Variants in TG observed in about 807,000 individuals in gnomAD.
TG encodes thyroglobulin.
A neutral mutation model predicts 324.7 loss-of-function variants in TG; 270 were observed. That is an observed-to-expected ratio of 0.83 (90% confidence interval 0.75 to 0.92). TG has a LOEUF of 0.92. Ranked by LOEUF, TG falls within the 40% of genes least tolerant of loss-of-function variation. TG has a pLI of 0.00. For synonymous variants in TG, 1,401 were observed against 1,327.0 expected (o/e 1.06, Z -1.21); for missense variants, 3,591 against 3,456.4 (o/e 1.04, Z -0.98).
intron 16 of TG, among the ~76,000 whole-genome samples, chr8:132,903,589 A>G (rs914408610): frequency 6.6e-6 from 1 of 152,210 alleles, no homozygotes. Flanking sequence ...GAACCAAGAA[A>G]CACCATTCAT....
intron 34 of TG, among the ~76,000 whole-genome samples, chr8:132,980,015 A>T (rs1263417934): frequency 2.6e-5 from 4 of 152,074 alleles, no homozygotes; most frequent in Non-Finnish European, 4.4e-5. Flanking sequence ...ACACTTACTA[A>T]TTAAGTTTTA....
At position 132,897,781 on chromosome 8, in the gene TG, G is replaced by C. The variant is rs781164279; in HGVS notation, c.3134G>C (p.Gly1045Ala). The change falls in exon 12 of 48, where the codon GGG (glycine) becomes GCG (alanine). Residue 1045 changes from glycine (G) to alanine (A), a missense_variant. By Grantham distance (60) the Gly-to-Ala change is moderately conservative. Transcript: ENST00000220616. ...GSWEPVQCHA[G>A]TGHCWCVDEK... ...TGGGAGCCTGTGCAGTGCCACGCTG[G>C]GACTGGTAAGGAGGGATAGGCACCT... is the stretch of plus-strand genomic sequence containing the variant. 6.2e-7 allele frequency: 1 copy of C among 1,614,168 alleles called. No homozygotes were observed. Among genetic ancestry groups the C allele is most frequent in the Admixed American group, 1.7e-5 (1 of 60,032 alleles).
intron 19 of TG, among the ~76,000 whole-genome samples, chr8:132,912,110 C>T (rs1380743575): frequency 6.6e-6 from 1 of 152,182 alleles, no homozygotes; most frequent in East Asian, 1.9e-4. Flanking sequence ...CATCCAGGGG[C>T]AGGACTGGCT....
At chr8:133,106,929 C>T (rs1849853376) in intron 43 of TG, among the ~76,000 whole-genome samples, 1 of 152,192 alleles carries the variant, frequency 6.6e-6, no homozygotes, top group African/African-American at 2.4e-5. Context: ...GTAGGATGAA[C>T]AGCAAGGGCC....
intron 35 of TG, among the ~76,000 whole-genome samples, chr8:133,008,967 T>G (rs17693908): frequency 0.15 from 22,266 of 152,204 alleles, 2,147 homozygotes; most frequent in Non-Finnish European, 0.22. Context: ...CTCCCAGATG[T>G]TGGATTCTGC....
chr8:133,011,235 G>A (rs1216256128), intron 35 of TG, among the ~76,000 whole-genome samples: 1 of 152,176 alleles, frequency 6.6e-6, no homozygotes, highest in Admixed American at 6.5e-5. Context: ...GAGGCTGGGG[G>A]TACGAACCTT....
chr8:133,044,577 G>A (rs766765305), intron 41 of TG, among the ~76,000 whole-genome samples: 2 of 152,076 alleles, frequency 1.3e-5, no homozygotes, highest in Non-Finnish European at 2.9e-5. Context: ...TAGCTTCATC[G>A]CAGAGGCGTT....
chr8:133,005,282 G>C (rs1020938808), intron 35 of TG, among the ~76,000 whole-genome samples: 1 of 152,170 alleles, frequency 6.6e-6, no homozygotes, highest in South Asian at 2.1e-4. Flanking sequence ...TGGGACAGGG[G>C]GACAGGGGGA....
At chr8:132,942,821 A>T (rs1276516207) in intron 26 of TG, among the ~76,000 whole-genome samples, 1 of 152,126 alleles carries the variant, frequency 6.6e-6, no homozygotes, top group Non-Finnish European at 1.5e-5. Context: ...AAGAAGAGGA[A>T]CTTGGGCCAG....
At chr8:133,078,265 G>A (rs970039898) in intron 41 of TG, among the ~76,000 whole-genome samples, 2 of 152,190 alleles carry the variant, frequency 1.3e-5, no homozygotes, top group African/African-American at 4.8e-5. Context: ...CCTGTGAGCT[G>A]CATCTTAAAG....
At position 132,938,791 on chromosome 8, in the gene TG, G is replaced by A. The variant is rs188963404; in HGVS notation, c.5042-2560G>A. On this transcript the variant is annotated intron_variant, in intron 25 of 47. Coordinates refer to ENST00000220616, the MANE Select transcript of TG (RefSeq NM_003235.5). ...CCATCGGCCAGGCGCAGTGGCTTAC[G>A]CCAGTAATCTTAGCACTTTGGGAGG... is the stretch of plus-strand genomic sequence containing the variant. Among the ~76,000 whole-genome samples the A allele has an allele frequency of 3.3e-3, 496 of 152,282 alleles. 4 individuals are homozygous for A. Among genetic ancestry groups the A allele is most frequent in the African/African-American group, 0.011 (448 of 41,564 alleles).
intron 22 of TG, among the ~76,000 whole-genome samples, chr8:132,924,501 T>A (rs1321480609): frequency 6.6e-6 from 1 of 152,192 alleles, no homozygotes; most frequent in Non-Finnish European, 1.5e-5. Flanking sequence ...GTCTATTTCC[T>A]GAGAATCAAC....
intron 22 of TG, among the ~76,000 whole-genome samples, chr8:132,926,229 C>G (rs1478285099): frequency 6.6e-6 from 1 of 152,226 alleles, no homozygotes; most frequent in Non-Finnish European, 1.5e-5. Context: ...GGAATTTGCT[C>G]CTTCCTCAGC....
chr8:132,929,224 A>G (rs1262556872), intron 23 of TG, 32 bp downstream of exon 23: 1 of 1,540,986 alleles, frequency 6.5e-7, no homozygotes. Context: ...TGCACTCAGA[A>G]GAAGGTGTGG....
chr8:132,875,435 G>A (rs1216165613), intron 5 of TG, among the ~76,000 whole-genome samples: 9 of 152,184 alleles, frequency 5.9e-5, no homozygotes, highest in African/African-American at 1.9e-4. Context: ...CTGAAACACA[G>A]AGGTTAAGGA....
intron 25 of TG, among the ~76,000 whole-genome samples, chr8:132,936,578 T>C (rs1823627187): frequency 6.6e-6 from 1 of 152,210 alleles, no homozygotes; most frequent in Non-Finnish European, 1.5e-5. Context: ...CATTTCACAC[T>C]CATGGAAACT....
At chr8:132,870,186 G>C (rs556328219) in intron 3 of TG, among the ~76,000 whole-genome samples, 29 of 151,922 alleles carry the variant, frequency 1.9e-4, no homozygotes, top group Non-Finnish European at 3.4e-4. Context: ...TTGGGTCAAA[G>C]CTATCCAGTT....
chr8:132,868,034 C>A, intron 1 of TG, 81 bp from the exon 2 acceptor site: 1 of 1,269,170 alleles, frequency 7.9e-7, no homozygotes, highest in Non-Finnish European at 1.2e-6. Flanking sequence ...CCTGGAAAAG[C>A]ATCTGTGCTT....
intron 41 of TG, among the ~76,000 whole-genome samples, chr8:133,034,898 G>T (rs1236222853): frequency 6.6e-6 from 1 of 152,182 alleles, no homozygotes; most frequent in Non-Finnish European, 1.5e-5. Context: ...TTTAGGTATG[G>T]TTACAAGCAG....
Sources: allele counts gnomAD v4.1 joint callset (sites outside exome capture counted in the v4.1 genomes callset), GRCh38; gene constraint gnomAD v4.1.1; transcripts MANE v1.5; gene names NCBI Gene and HGNC (gene_info 2026-07-23, HGNC 2026-07-21).